OTOG: variants seen among roughly 807,000 people sequenced by gnomAD.
OTOG encodes otogelin.
In OTOG, 296 loss-of-function variants were observed where a neutral mutation model predicts 313.8. That is an observed-to-expected ratio of 0.94 (90% CI 0.86 to 1.04). OTOG has a LOEUF of 1.04. OTOG is among the 50% of genes least tolerant of loss of function. The pLI, the probability that OTOG is intolerant of heterozygous loss-of-function variation, is 0.00. For missense variants in OTOG, 3,948 were observed against 3,840.1 expected (o/e 1.03, Z -0.74); for synonymous variants, 1,533 against 1,554.9 (o/e 0.99, Z 0.33).
Position 17,576,854 on chromosome 11 carries a change from G to GTC in OTOG, c.2562-6_2562-5dup, listed in dbSNP as rs1267921742. On this transcript the variant is annotated splice_polypyrimidine_tract_variant and intron_variant, in intron 21 of 55. Transcript: ENST00000399397. Reference sequence around the variant, plus strand: ...ACTGGGTCGGCTAACCCCAGGGCCCGTCTCTCTCTGCAGCCACTGCAAAGA... The same window carrying GTC: ...ACTGGGTCGGCTAACCCCAGGGCCCGTCTCTCTCTCTGCAGCCACTGCAAAGA... 4.5e-6 allele frequency: 7 copies of GTC among 1,550,136 alleles called. No individual in the cohort carries two copies. Among genetic ancestry groups the GTC allele is most frequent in the South Asian group, 2.4e-5 (2 of 83,976 alleles).
At chr11:17,565,744 G>C (rs977454967) in intron 15 of OTOG, among the ~76,000 whole-genome samples, 1 of 152,108 alleles carries the variant, frequency 6.6e-6, no homozygotes, top group African/African-American at 2.4e-5. Flanking sequence ...AATTGTTCCA[G>C]CTTTGGGCAC....
At chr11:17,613,195 T>TTTTCTTTC (rs1191747829) in intron 38 of OTOG, among the ~76,000 whole-genome samples, 5,438 of 64,168 alleles carry the variant, frequency 0.085, 390 homozygotes, top group East Asian at 0.12. Context: ...TCTTTCTTTC[T>TTTTCTTTC]TTTCTTTCTT....
rs1254616896 is a variant in OTOG at position 17,632,984 on chromosome 11, C to G, written c.7073-696C>G. On this transcript the variant is annotated intron_variant, in intron 42 of 55. Coordinates refer to ENST00000399397, the MANE Select transcript of OTOG (RefSeq NM_001292063.2). ...AAAAAATACAATAGAATAGAAAATA[C>G]CAGTGTGTATTGCTCATAGAAAGTT... 2.6e-5 allele frequency among the ~76,000 whole-genome samples: 4 copies of G among 152,144 alleles called. No homozygotes were observed. In the East Asian group the frequency reaches 5.8e-4, roughly 22 times the overall value.
At position 17,578,227 on chromosome 11, in the gene OTOG, G is replaced by T. The variant is rs1852582012; in HGVS notation, c.2606-146G>T. 5 of 1,388,766 alleles carry T rather than the reference G, an allele frequency of 3.6e-6. No individual in the cohort carries two copies. In the Admixed American group the frequency reaches 9.7e-5, roughly 27 times the overall value. 86.0% of individuals were successfully genotyped at this position (1,388,766 alleles called of 1,614,324 possible). A position where few individuals can be genotyped will look rare whatever the true frequency, so the allele number is the denominator to read the frequency against. On this transcript the variant is annotated intron_variant, in intron 22 of 55. Coordinates refer to ENST00000399397, the MANE Select transcript of OTOG (RefSeq NM_001292063.2). Reference sequence around the variant, plus strand: ...ACCCCTCCCTCTGTGAGGCGTATCTGGGAAACCAAGCAATGCCCAGGAGCG... The same window carrying T: ...ACCCCTCCCTCTGTGAGGCGTATCTTGGAAACCAAGCAATGCCCAGGAGCG...
chr11:17,635,806 G>C, intron 47 of OTOG, 95 bp downstream of exon 47: 1 of 1,049,402 alleles, frequency 9.5e-7, no homozygotes, highest in Non-Finnish European at 1.4e-6. Flanking sequence ...GGGAGCAACA[G>C]AGCGCCCCCA....
intron 39 of OTOG, among the ~76,000 whole-genome samples, chr11:17,619,976 T>C (rs1432667673): frequency 2.0e-5 from 3 of 152,220 alleles, no homozygotes. Flanking sequence ...AGAAAAAGTC[T>C]TGGTCTTTCC....
chr11:17,566,867 G>A (rs1234228116), intron 15 of OTOG, among the ~76,000 whole-genome samples: 2 of 152,150 alleles, frequency 1.3e-5, no homozygotes, highest in Non-Finnish European at 2.9e-5. Context: ...TTGTAATGCA[G>A]TTAGATTCTT....
Position 17,631,871 on chromosome 11 carries a change from G to A in OTOG, c.6882G>A (p.Ser2294=), listed in dbSNP as rs776333384. The A allele has an allele frequency of 2.0e-5, 31 of 1,550,384 alleles. No individual in the cohort carries two copies. The highest frequency in any genetic ancestry group is 3.3e-4 in the Middle Eastern group (2 of 6,004). Reference sequence around the variant, plus strand: ...ACAGCTGCGCCACAACTGACTGCTCGCCCTGCCTTCGCATGGTGTCCAACC... The same window carrying A: ...ACAGCTGCGCCACAACTGACTGCTCACCCTGCCTTCGCATGGTGTCCAACC... ...RPDSCATTDC[S]PCLRMVSNRT... Residue 2294 remains serine, a synonymous_variant, in exon 41 of 56, where the codon TCG becomes TCA. Transcript: ENST00000399397.
Position 17,559,135 on chromosome 11 carries a change from G to C in OTOG, c.1187G>C (p.Gly396Ala), listed in dbSNP as rs956735081. The C allele has an allele frequency of 1.3e-6, 2 of 1,540,806 alleles. No individual in the cohort carries two copies. Among genetic ancestry groups the C allele is most frequent in the Non-Finnish European group, 8.7e-7 (1 of 1,146,898 alleles). Residue 396 changes from glycine (G) to alanine (A), a missense_variant, in exon 11 of 56, where the codon GGC becomes GCC. Transcript: ENST00000399397. ...GCCCAGGCAGGGCGGCCCTTGCAAGGCTGGAGGACCCAGCTCCGGCAATGC... is the reference window on the plus strand; with the variant it reads ...GCCCAGGCAGGGCGGCCCTTGCAAGCCTGGAGGACCCAGCTCCGGCAATGC... ...ACAQAGRPLQ[G>A]WRTQLRQCTV...
At chr11:17,631,454 C>G (rs1313467827) in intron 40 of OTOG, among the ~76,000 whole-genome samples, 1 of 151,190 alleles carries the variant, frequency 6.6e-6, no homozygotes, top group Non-Finnish European at 1.5e-5. Context: ...TTTTTCGGAA[C>G]CATTAGAAAA....
rs56402246 is a variant in OTOG, at chr11:17,548,418, C to CTTTTTTTTTTTTTTTTTTTTTT, written c.216+223_216+244dup. On this transcript the variant is annotated intron_variant, in intron 3 of 55. Transcript: ENST00000399397. ...ATCTCTTGGGGGTCTATAGTCCACTCTTTTTTTTTTTTTTTTTTTTTTTTT... is the reference window on the plus strand; with the variant it reads ...ATCTCTTGGGGGTCTATAGTCCACTCTTTTTTTTTTTTTTTTTTTTTTTTTTTTTTTTTTTTTTTTTTTTTTT... Among the ~76,000 whole-genome samples the CTTTTTTTTTTTTTTTTTTTTTT allele has an allele frequency of 1.4e-4, 12 of 87,630 alleles. 1 individual carries two copies. The highest frequency in any genetic ancestry group is 3.3e-4 in the African/African-American group (7 of 21,118). 57.5% of individuals were successfully genotyped at this position (87,630 alleles called of 152,430 possible). A position where few individuals can be genotyped will look rare whatever the true frequency, so the allele number is the denominator to read the frequency against.
Position 17,638,555 on chromosome 11 carries a change from T to C in OTOG, c.7894+6T>C, listed in dbSNP as rs1847901881. ...CTGCCCCTACAAATCCTGTGGTGAGTCCGTGGTCAGGACAGCCTCCCCGCT... is the reference window on the plus strand; with the variant it reads ...CTGCCCCTACAAATCCTGTGGTGAGCCCGTGGTCAGGACAGCCTCCCCGCT... On this transcript the variant is annotated splice_donor_region_variant and intron_variant, in intron 48 of 55. Coordinates refer to ENST00000399397, the MANE Select transcript of OTOG (RefSeq NM_001292063.2). The C allele has an allele frequency of 1.9e-6, 3 of 1,549,604 alleles. No homozygotes were observed. Among genetic ancestry groups the C allele is most frequent in the Non-Finnish European group, 2.6e-6 (3 of 1,146,472 alleles).
At chr11:17,624,265 C>T (rs1182819147) in intron 39 of OTOG, among the ~76,000 whole-genome samples, 1 of 152,268 alleles carries the variant, frequency 6.6e-6, no homozygotes, top group Middle Eastern at 3.4e-3. Context: ...AGGTTATCTT[C>T]CATGATTTTT....
intron 30 of OTOG, 42 bp from the exon 31 acceptor site, chr11:17,599,629 T>G: frequency 6.5e-7 from 1 of 1,549,644 alleles, no homozygotes; most frequent in South Asian, 1.2e-5. Context: ...TGTTCCAGGC[T>G]CTGGGCTGGC....
At chr11:17,558,767 C>A in intron 10 of OTOG, 123 bp downstream of exon 10, 1 of 1,084,602 alleles carries the variant, frequency 9.2e-7, no homozygotes, top group Non-Finnish European at 1.3e-6. Flanking sequence ...CTCTGAAATT[C>A]TTATCTGCCT....
chr11:17,598,836 G>A (rs986588734), intron 30 of OTOG, among the ~76,000 whole-genome samples: 2 of 152,210 alleles, frequency 1.3e-5, no homozygotes, highest in Non-Finnish European at 2.9e-5. Context: ...GCAGGCACGT[G>A]CCCCTAGCCA....
intron 24 of OTOG, among the ~76,000 whole-genome samples, chr11:17,588,196 A>G (rs1852848518): frequency 6.6e-6 from 1 of 152,164 alleles, no homozygotes; most frequent in South Asian, 2.1e-4. Context: ...GCAAGTTTTT[A>G]CTTTTTAACT....
chr11:17,607,802 C>A (rs75659765), intron 33 of OTOG, among the ~76,000 whole-genome samples: 13,171 of 152,194 alleles, frequency 0.087, 1,066 homozygotes, highest in African/African-American at 0.21. Flanking sequence ...CCCAGTGCCT[C>A]CCCTCACCCT....
At position 17,610,799 on chromosome 11, in the gene OTOG, C is replaced by T. The variant is rs1339330637; in HGVS notation, c.5499C>T (p.Leu1833=). 4.5e-6 allele frequency: 7 copies of T among 1,550,698 alleles called. No homozygotes were observed. Among genetic ancestry groups the T allele is most frequent in the Non-Finnish European group, 6.1e-6 (7 of 1,147,036 alleles). Residue 1833 remains leucine, a synonymous_variant, in exon 36 of 56, where the codon CTC becomes CTT. Coordinates refer to ENST00000399397, the MANE Select transcript of OTOG (RefSeq NM_001292063.2). The part of the protein sequence containing the change: ...GPKASVITTP[L]QPQATTLPAQ... ...AAGCCTCTGTCATCACCACTCCACT[C>T]CAGCCACAGGCCACGACTCTGCCTG...
Sources: gnomAD v4.1 joint callset for allele counts (sites outside exome capture counted in the v4.1 genomes callset) on GRCh38, gnomAD v4.1.1 for gene constraint, MANE v1.5 for transcripts, NCBI Gene and HGNC (gene_info 2026-07-23, HGNC 2026-07-21) for gene names.